TRAPPC9: variants seen among roughly 807,000 people sequenced by gnomAD.
TRAPPC9 encodes IKK2 binding protein.
TRAPPC9 carries 83 observed loss-of-function variants against 124.0 expected under a neutral mutation model. That is an observed-to-expected ratio of 0.67 (90% CI 0.56 to 0.80). The LOEUF (loss-of-function observed/expected upper bound fraction) is 0.80. Among genes scored for constraint, TRAPPC9 ranks in the 30% least tolerant of loss-of-function variants. TRAPPC9 has a pLI of 0.00. For synonymous variants in TRAPPC9, 638 were observed against 617.5 expected (o/e 1.03, Z -0.49); for missense variants, 1,302 against 1,508.3 (o/e 0.86, Z 2.27).
rs543936978 is a variant in TRAPPC9, at chr8:140,275,908, C to G, written c.2115-87G>C. 2.8e-6 allele frequency: 3 copies of G among 1,062,418 alleles called. No homozygotes were observed. In the African/African-American group the frequency reaches 4.7e-5, roughly 17 times the overall value. 65.8% of individuals were successfully genotyped at this position (1,062,418 alleles called of 1,614,324 possible). On this transcript the variant is annotated intron_variant, in intron 14 of 22. Coordinates refer to ENST00000438773, the MANE Select transcript of TRAPPC9 (RefSeq NM_001160372.4). ...TACTCACTTCCCAAAGAAGAATCAC[C>G]ATACTCATGCATTTCAGAAACAGGG...
intron 19 of TRAPPC9, among the ~76,000 whole-genome samples, chr8:139,979,924 C>A (rs1394528150): frequency 6.6e-6 from 1 of 152,066 alleles, no homozygotes; most frequent in Admixed American, 6.5e-5. Flanking sequence ...ACTCCACAGA[C>A]CACATTCCCG....
At chr8:140,035,275 C>T (rs1840803518) in intron 17 of TRAPPC9, among the ~76,000 whole-genome samples, 1 of 152,212 alleles carries the variant, frequency 6.6e-6, no homozygotes, top group East Asian at 1.9e-4. Flanking sequence ...TTAAATACTG[C>T]TGATCTTCAA....
At chr8:140,402,548 T>C (rs2069315625) in intron 6 of TRAPPC9, among the ~76,000 whole-genome samples, 1 of 151,466 alleles carries the variant, frequency 6.6e-6, no homozygotes, top group Admixed American at 6.6e-5. Context: ...ACAAAAAAAA[T>C]AGCTGGGCAT....
rs544457427 is a variant in TRAPPC9 at position 140,096,874 on chromosome 8, G to C, written c.2557-72795C>G. On this transcript the variant is annotated intron_variant, in intron 17 of 22. Coordinates refer to ENST00000438773, the MANE Select transcript of TRAPPC9 (RefSeq NM_001160372.4). Reference sequence around the variant, plus strand: ...GGAGCAGAGAGGAGGACTAGGACAGGGACGTGGACTGGACGTGAGACATTC... The same window carrying C: ...GGAGCAGAGAGGAGGACTAGGACAGCGACGTGGACTGGACGTGAGACATTC... 2.0e-5 allele frequency: 3 copies of C among 152,344 alleles called. No individual in the cohort carries two copies. In the South Asian group the frequency reaches 6.2e-4, roughly 32 times the overall value. 9.4% of individuals were successfully genotyped at this position (152,344 alleles called of 1,614,324 possible).
At chr8:140,145,813 A>G (rs1337263748) in intron 17 of TRAPPC9, among the ~76,000 whole-genome samples, 1 of 151,958 alleles carries the variant, frequency 6.6e-6, no homozygotes, top group Non-Finnish European at 1.5e-5. Flanking sequence ...TTTCCATTTC[A>G]TGAAACGTTT....
At chr8:139,871,208 G>A (rs1437783362) in intron 21 of TRAPPC9, among the ~76,000 whole-genome samples, 1 of 152,134 alleles carries the variant, frequency 6.6e-6, no homozygotes, top group Non-Finnish European at 1.5e-5. Context: ...AGGTGCCTTC[G>A]CTCTGTGGCT....
chr8:139,877,787 T>C (rs1255734925), intron 21 of TRAPPC9, among the ~76,000 whole-genome samples: 1 of 151,114 alleles, frequency 6.6e-6, no homozygotes, highest in Non-Finnish European at 1.5e-5. Flanking sequence ...CTCCTGGGGG[T>C]TTCTTCAAAC....
At chr8:139,857,414 C>G (rs11778953) in intron 21 of TRAPPC9, among the ~76,000 whole-genome samples, 1 of 152,222 alleles carries the variant, frequency 6.6e-6, no homozygotes, top group African/African-American at 2.4e-5. Context: ...CCAACAGCAA[C>G]CCAAGGCGAC....
chr8:139,938,071 T>C (rs746402858), intron 19 of TRAPPC9, among the ~76,000 whole-genome samples: 5 of 152,174 alleles, frequency 3.3e-5, no homozygotes, highest in African/African-American at 4.8e-5. Context: ...GAAATATGAA[T>C]AGGAGAATGT....
At chr8:140,343,258 G>A (rs987383888) in intron 9 of TRAPPC9, among the ~76,000 whole-genome samples, 2 of 152,214 alleles carry the variant, frequency 1.3e-5, no homozygotes, top group African/African-American at 4.8e-5. Context: ...GCAGTGCTGG[G>A]CTGCGGCCTC....
intron 21 of TRAPPC9, among the ~76,000 whole-genome samples, chr8:139,782,467 G>A (rs1821901890): frequency 6.6e-6 from 1 of 152,194 alleles, no homozygotes; most frequent in Non-Finnish European, 1.5e-5. Flanking sequence ...ATATTATAAA[G>A]TTATAAATGC....
At chr8:139,870,788 T>C (rs942107343) in intron 21 of TRAPPC9, among the ~76,000 whole-genome samples, 2 of 152,260 alleles carry the variant, frequency 1.3e-5, no homozygotes, top group Non-Finnish European at 1.5e-5. Context: ...AGGAGACTTG[T>C]ACATCCTTTC....
intron 5 of TRAPPC9, among the ~76,000 whole-genome samples, chr8:140,411,470 T>C (rs7824556): frequency 0.029 from 4,414 of 152,214 alleles, 244 homozygotes; most frequent in African/African-American, 0.1. Flanking sequence ...GCCTCCCAAG[T>C]AGCTGGGACT....
At position 139,800,838 on chromosome 8, in the gene TRAPPC9, C is replaced by T. The variant is rs145426885; in HGVS notation, c.3056-68636G>A. ...CTCCCTCCAGCACCTTCCCTCCGTC[C>T]GGTACCTGTACCTTCCCTCCCTCCG... On this transcript the variant is annotated intron_variant, in intron 21 of 22. Coordinates refer to ENST00000438773, the MANE Select transcript of TRAPPC9 (RefSeq NM_001160372.4). Among the ~76,000 whole-genome samples, 434 of 149,230 alleles carry T rather than the reference C, an allele frequency of 2.9e-3. 3 individuals are homozygous for T. Among genetic ancestry groups the T allele is most frequent in the African/African-American group, 0.01 (417 of 40,384 alleles).
intron 19 of TRAPPC9, among the ~76,000 whole-genome samples, chr8:139,945,108 A>G (rs1455864248): frequency 6.6e-6 from 1 of 152,216 alleles, no homozygotes; most frequent in Non-Finnish European, 1.5e-5. Context: ...TATGCAACAG[A>G]GTGAGACTCC....
intron 17 of TRAPPC9, among the ~76,000 whole-genome samples, chr8:140,185,269 C>CGGG (rs2062325750): frequency 6.6e-6 from 1 of 152,192 alleles, no homozygotes; most frequent in Admixed American, 6.5e-5. Flanking sequence ...CTGAGTCCAG[C>CGGG]AGGACACACG....
chr8:140,014,801 C>T (rs541799289), intron 18 of TRAPPC9, among the ~76,000 whole-genome samples: 2 of 152,278 alleles, frequency 1.3e-5, no homozygotes, highest in Admixed American at 1.3e-4. Flanking sequence ...AGGAATGTAA[C>T]ACCCCCAGAT....
chr8:140,388,775 G>A (rs1457697317), intron 7 of TRAPPC9, among the ~76,000 whole-genome samples: 1 of 150,660 alleles, frequency 6.6e-6, no homozygotes, highest in Non-Finnish European at 1.5e-5. Context: ...TTGAACCTGG[G>A]AGGCGGAGGT....
At chr8:140,310,504 T>G (rs963027504) in intron 10 of TRAPPC9, among the ~76,000 whole-genome samples, 4 of 152,192 alleles carry the variant, frequency 2.6e-5, no homozygotes, top group Admixed American at 2.0e-4. Context: ...CATAAACCTT[T>G]TGCAGGTCCT....
Sources: gnomAD v4.1 joint callset for allele counts (sites outside exome capture counted in the v4.1 genomes callset) on GRCh38, gnomAD v4.1.1 for gene constraint, MANE v1.5 for transcripts, NCBI Gene and HGNC (gene_info 2026-07-23, HGNC 2026-07-21) for gene names.